OLFML2B: variants seen among roughly 807,000 people sequenced by gnomAD.
OLFML2B encodes the protein olfactomedin-like protein 2B.
In OLFML2B, 57 loss-of-function variants were observed where a neutral mutation model predicts 74.9. The observed-to-expected ratio is 0.76, with a 90% CI of 0.61 to 0.95. The LOEUF (loss-of-function observed/expected upper bound fraction) is 0.95. Among genes scored for constraint, OLFML2B ranks in the 40% least tolerant of loss-of-function variants. OLFML2B has a pLI of 0.00. For missense variants in OLFML2B, 986 were observed against 970.6 expected (o/e 1.02, Z -0.21); for synonymous variants, 388 against 405.8 (o/e 0.96, Z 0.53).
intron 2 of OLFML2B, among the ~76,000 whole-genome samples, chr1:162,018,081 T>A (rs905533549): frequency 6.6e-6 from 1 of 152,082 alleles, no homozygotes; most frequent in Non-Finnish European, 1.5e-5. Flanking sequence ...AGCTAAACAA[T>A]GAGAACTCAA....
At chr1:162,002,258 C>T (rs1451383362) in intron 4 of OLFML2B, among the ~76,000 whole-genome samples, 1 of 152,210 alleles carries the variant, frequency 6.6e-6, no homozygotes, top group African/African-American at 2.4e-5. Flanking sequence ...CCCAGGACTC[C>T]AGTGGCTGGA....
chr1:162,005,902 CAAAAAAAAA>C (rs71093139), intron 4 of OLFML2B, among the ~76,000 whole-genome samples: 2,281 of 77,926 alleles, frequency 0.029, 106 homozygotes, highest in African/African-American at 0.074. Flanking sequence ...TGGAACCTAT[CAAAAAAAAA>C]AAAAAAAAAA....
intron 3 of OLFML2B, among the ~76,000 whole-genome samples, chr1:162,011,892 G>A (rs1690400797): frequency 1.3e-5 from 2 of 152,156 alleles, no homozygotes; most frequent in African/African-American, 4.8e-5. Context: ...CCGACGGATG[G>A]AGGGCTGACA....
intron 1 of OLFML2B, among the ~76,000 whole-genome samples, chr1:162,022,583 T>C (rs1690750251): frequency 1.3e-5 from 2 of 152,138 alleles, no homozygotes; most frequent in Non-Finnish European, 2.9e-5. Context: ...TATCTATAAA[T>C]GGGTATTAGG....
intron 4 of OLFML2B, among the ~76,000 whole-genome samples, chr1:162,004,642 A>G (rs139917201): frequency 6.6e-6 from 1 of 152,184 alleles, no homozygotes; most frequent in Non-Finnish European, 1.5e-5. Context: ...CCTTTGATGA[A>G]CTGCCCTACC....
intron 1 of OLFML2B, among the ~76,000 whole-genome samples, chr1:162,020,449 C>G (rs1690671800): frequency 6.6e-6 from 1 of 152,192 alleles, no homozygotes; most frequent in Non-Finnish European, 1.5e-5. Context: ...AAAGGAAAAA[C>G]CAGATGAGCC....
intron 2 of OLFML2B, among the ~76,000 whole-genome samples, chr1:162,018,398 G>T (rs1255631622): frequency 6.6e-6 from 1 of 152,162 alleles, no homozygotes; most frequent in Non-Finnish European, 1.5e-5. Context: ...CAACAAGGTG[G>T]CTCTACATGT....
At chr1:161,999,515 C>G (rs1159666109) in intron 5 of OLFML2B, among the ~76,000 whole-genome samples, 2 of 152,050 alleles carry the variant, frequency 1.3e-5, no homozygotes, top group Admixed American at 6.6e-5. Flanking sequence ...AGGACTCGCT[C>G]AGACATACTG....
chr1:162,020,970 T>A (rs1156859224), intron 1 of OLFML2B, among the ~76,000 whole-genome samples: 3 of 152,184 alleles, frequency 2.0e-5, no homozygotes, highest in African/African-American at 7.2e-5. Flanking sequence ...GATAAAGAGA[T>A]GGGCCAGATG....
chr1:161,991,487 C>A (rs1012231805), intron 6 of OLFML2B, among the ~76,000 whole-genome samples: 1 of 152,188 alleles, frequency 6.6e-6, no homozygotes, highest in Non-Finnish European at 1.5e-5. Flanking sequence ...GTAATCCCAG[C>A]ACTTTGGGAG....
chr1:162,021,095 G>C (rs1380365956), intron 1 of OLFML2B, among the ~76,000 whole-genome samples: 1 of 152,226 alleles, frequency 6.6e-6, no homozygotes, highest in Non-Finnish European at 1.5e-5. Context: ...TGGGAGCTAA[G>C]AGCGGCTCCA....
intron 2 of OLFML2B, among the ~76,000 whole-genome samples, chr1:162,018,263 C>T (rs1164963481): frequency 6.6e-6 from 1 of 152,210 alleles, no homozygotes; most frequent in Non-Finnish European, 1.5e-5. Flanking sequence ...CAAACCTGCA[C>T]ATGTACCCCT....
chr1:162,017,525 G>C lies in OLFML2B; in HGVS notation c.439-18C>G, dbSNP rs569297791. ...GTGGAGAGCTATGAAACAAGGCAAGGGGTTAGTCCAGGGCTGGGGCACACA... is the reference window on the plus strand; with the variant it reads ...GTGGAGAGCTATGAAACAAGGCAAGCGGTTAGTCCAGGGCTGGGGCACACA... On this transcript the variant is annotated intron_variant, in intron 2 of 7. Transcript: ENST00000294794. 3.1e-5 allele frequency: 50 copies of C among 1,593,028 alleles called. No individual in the cohort carries two copies. The South Asian group carries it at 5.4e-4, about 17-fold the overall frequency.
Position 162,000,200 on chromosome 1 carries a change from G to C in OLFML2B, c.862C>G (p.Arg288Gly), listed in dbSNP as rs141480556. ...PLQRQVHLRGRPASQPTVIRG... is the reference protein window; with the variant it reads ...PLQRQVHLRGGPASQPTVIRG... Reference sequence around the variant, plus strand: ...ATGACAGTGGGCTGGGAGGCCGGCCGGCCTCTCAGGTGGACCTGCCTCTGC... The same window carrying C: ...ATGACAGTGGGCTGGGAGGCCGGCCCGCCTCTCAGGTGGACCTGCCTCTGC... The change falls in exon 5 of 8, where the codon CGG (arginine) becomes GGG (glycine). Residue 288 changes from arginine (R) to glycine (G), a missense_variant. Coordinates refer to ENST00000294794, the MANE Select transcript of OLFML2B (RefSeq NM_015441.3). 47 of 1,613,648 alleles carry C rather than the reference G, an allele frequency of 2.9e-5. No individual in the cohort carries two copies. Among genetic ancestry groups the C allele is most frequent in the Non-Finnish European group, 3.9e-5 (46 of 1,179,890 alleles).
chr1:161,993,096 A>G (rs960851865), intron 6 of OLFML2B, among the ~76,000 whole-genome samples: 1 of 152,226 alleles, frequency 6.6e-6, no homozygotes, highest in Non-Finnish European at 1.5e-5. Flanking sequence ...ACAGAGAGAG[A>G]GGCACATACA....
rs1205538980 is a variant in OLFML2B at position 161,984,832 on chromosome 1, C to T, written c.1623G>A (p.Glu541=). ...TNYYYGNTLV[E]FRNLENFKQG... ...GTTTGAAGTTCTCCAGGTTCCGGAACTCTACCAGGGTGTTGCCGTAGTAAT... is the reference window on the plus strand; with the variant it reads ...GTTTGAAGTTCTCCAGGTTCCGGAATTCTACCAGGGTGTTGCCGTAGTAAT... The change falls in exon 7 of 8, where the codon GAG becomes GAA. Residue 541 remains glutamate (E), a synonymous_variant. Coordinates refer to ENST00000294794, the MANE Select transcript of OLFML2B (RefSeq NM_015441.3). The T allele has an allele frequency of 1.2e-6, 2 of 1,613,454 alleles. No individual in the cohort carries two copies. Among genetic ancestry groups the T allele is most frequent in the South Asian group, 1.1e-5 (1 of 91,018 alleles).
intron 6 of OLFML2B, among the ~76,000 whole-genome samples, chr1:161,997,372 A>C (rs1165302130): frequency 3.9e-5 from 6 of 152,114 alleles, no homozygotes; most frequent in Admixed American, 3.9e-4. Flanking sequence ...TTTTGCACGG[A>C]GGCCCATTGC....
intron 3 of OLFML2B, among the ~76,000 whole-genome samples, chr1:162,011,114 G>A (rs1690366710): frequency 6.6e-6 from 1 of 152,180 alleles, no homozygotes; most frequent in East Asian, 1.9e-4. Flanking sequence ...CTAGACACCT[G>A]TGGGAGTAGA....
chr1:161,988,537 C>A (rs940873001), intron 6 of OLFML2B, among the ~76,000 whole-genome samples: 1 of 149,268 alleles, frequency 6.7e-6, no homozygotes, highest in Non-Finnish European at 1.5e-5. Context: ...ACTGAGGTAG[C>A]CACCCCCCAC....
Sources: gnomAD v4.1 joint callset for allele counts (sites outside exome capture counted in the v4.1 genomes callset) on GRCh38, gnomAD v4.1.1 for gene constraint, MANE v1.5 for transcripts, NCBI Gene and HGNC (gene_info 2026-07-23, HGNC 2026-07-21) for gene names.